Variants in PMS2 observed in about 807,000 individuals in gnomAD.
PMS2 encodes the protein mismatch repair endonuclease PMS2.
In PMS2, 69 loss-of-function variants were observed where a neutral mutation model predicts 90.0. The ratio of observed to expected loss-of-function variants is 0.77; its 90% CI spans 0.63 to 0.94. The LOEUF (loss-of-function observed/expected upper bound fraction) is 0.94, where lower values mean the gene tolerates loss of function less well. Ranked by LOEUF, PMS2 falls within the 40% of genes least tolerant of loss-of-function variation. The pLI is 0.00. For synonymous variants in PMS2, 332 were observed against 375.1 expected (o/e 0.89, Z 1.33); for missense variants, 966 against 1,040.2 (o/e 0.93, Z 0.98).
chr7:5,985,465 T>C (rs1782756163), intron 11 of PMS2, among the ~76,000 whole-genome samples: 1 of 151,702 alleles, frequency 6.6e-6, no homozygotes, highest in Non-Finnish European at 1.5e-5. Flanking sequence ...GGTTAACTAC[T>C]ATGCTAAGAA....
At chr7:5,993,881 A>AG in intron 8 of PMS2, among the ~76,000 whole-genome samples, 1 of 150,452 alleles carries the variant, frequency 6.6e-6, no homozygotes. Flanking sequence ...AAAAAAAAAA[A>AG]AAAAAAGGAA....
rs1785401710 is a variant in PMS2 at position 6,003,906 on chromosome 7, G to A, written c.250+66C>T. 7.1e-6 allele frequency: 9 copies of A among 1,272,066 alleles called. No homozygotes were observed. The East Asian group carries it at 1.9e-4, about 26-fold the overall frequency. The allele number at this position is 1,272,066 out of a possible 1,614,324, so 78.8% of individuals were successfully genotyped here. ...CTGTTTTTGCATTTCCCAAGACAGTGTTACTCAAAATTCTGAGACATGTGA... is the reference window on the plus strand; with the variant it reads ...CTGTTTTTGCATTTCCCAAGACAGTATTACTCAAAATTCTGAGACATGTGA... On this transcript the variant is annotated intron_variant, in intron 3 of 14. Transcript: ENST00000265849.
chr7:5,999,412 G>T (rs1248127278), intron 5 of PMS2, 137 bp from the exon 6 acceptor site: 1 of 798,532 alleles, frequency 1.3e-6, no homozygotes. Flanking sequence ...AGAATGATCT[G>T]TAAAGAGGTG....
chr7:5,982,348 G>A (rs1782373961), intron 12 of PMS2, among the ~76,000 whole-genome samples: 1 of 152,234 alleles, frequency 6.6e-6, no homozygotes, highest in Non-Finnish European at 1.5e-5. Flanking sequence ...TGGGACTACA[G>A]GCGCCCGCCA....
intron 7 of PMS2, among the ~76,000 whole-genome samples, chr7:5,996,789 C>A (rs1294565287): frequency 6.6e-6 from 1 of 151,894 alleles, no homozygotes; most frequent in African/African-American, 2.4e-5. Context: ...TTAAAGAAGA[C>A]CTGCTCAACA....
intron 11 of PMS2, among the ~76,000 whole-genome samples, chr7:5,983,267 T>C (rs1216222335): frequency 1.3e-5 from 2 of 151,062 alleles, no homozygotes; most frequent in Admixed American, 6.6e-5. Context: ...TGCGCCACCA[T>C]GCCCAGCTAA....
intron 7 of PMS2, among the ~76,000 whole-genome samples, chr7:5,997,102 T>A (rs1784489456): frequency 6.6e-6 from 1 of 151,554 alleles, no homozygotes; most frequent in Admixed American, 6.6e-5. Context: ...TAATCCCAGC[T>A]ACTCAGGAGG....
At chr7:6,002,242 C>G (rs1785164034) in intron 5 of PMS2, 1 of 508,962 alleles carries the variant, frequency 2.0e-6, no homozygotes, top group Non-Finnish European at 3.5e-6. Context: ...ACTGTGTTGC[C>G]CAGTCCTAAT....
intron 8 of PMS2, among the ~76,000 whole-genome samples, chr7:5,994,196 A>G (rs1784101501): frequency 6.6e-6 from 1 of 150,936 alleles, no homozygotes; most frequent in South Asian, 2.1e-4. Flanking sequence ...TCCTGGCCAC[A>G]TGGTGAAATT....
In PMS2 at chr7:6,007,633, GAGA is replaced by G. The variant is rs772657612; in HGVS notation, c.23+1361_23+1363del. Among the ~76,000 whole-genome samples the G allele has an allele frequency of 3.0e-3, 461 of 152,262 alleles. 2 individuals carry two copies. The highest frequency in any genetic ancestry group is 4.5e-3 in the Non-Finnish European group (308 of 68,020). On this transcript the variant is annotated intron_variant, in intron 1 of 14. Coordinates refer to ENST00000265849, the MANE Select transcript of PMS2 (RefSeq NM_000535.7). ...GAGAAGGCAGGAAACCTCCATGAAA[GAGA>G]AATCACTGGGTATTTCCTACAGCAT...
intron 5 of PMS2, 91 bp downstream of exon 5, chr7:6,002,362 G>A: frequency 1.2e-6 from 1 of 842,668 alleles, no homozygotes; most frequent in Non-Finnish European, 2.0e-6. Flanking sequence ...TTTATGGGAA[G>A]AGAATCAACT....
chr7:5,986,496 A>G (rs964302889), intron 11 of PMS2, among the ~76,000 whole-genome samples: 1 of 152,042 alleles, frequency 6.6e-6, no homozygotes, highest in African/African-American at 2.4e-5. Flanking sequence ...GTTCGAGACC[A>G]GCCCAGCCAA....
intron 14 of PMS2, among the ~76,000 whole-genome samples, chr7:5,977,290 C>T (rs1278195115): frequency 1.4e-5 from 2 of 143,752 alleles, no homozygotes; most frequent in African/African-American, 5.0e-5. Flanking sequence ...CTCCTGAACT[C>T]GTGATCCGCC....
chr7:5,991,374 C>G (rs968249834), intron 9 of PMS2, among the ~76,000 whole-genome samples: 1 of 150,730 alleles, frequency 6.6e-6, no homozygotes, highest in East Asian at 1.9e-4. Flanking sequence ...TTACAATAAA[C>G]CAAAATTTTA....
chr7:5,993,542 G>T (rs1784010520), intron 8 of PMS2, among the ~76,000 whole-genome samples: 1 of 151,436 alleles, frequency 6.6e-6, no homozygotes, highest in Non-Finnish European at 1.5e-5. Context: ...ATAGAAAGAA[G>T]AGAAAATATA....
intron 5 of PMS2, 26 bp from the exon 6 acceptor site, chr7:5,999,301 T>G (rs549598245): frequency 1.3e-6 from 2 of 1,595,268 alleles, no homozygotes; most frequent in Non-Finnish European, 8.6e-7. Flanking sequence ...AAACACAATA[T>G]TCTACATTAC....
At chr7:5,978,428 G>A (rs1286478848) in intron 13 of PMS2, among the ~76,000 whole-genome samples, 168 bp downstream of exon 13, 2 of 143,412 alleles carry the variant, frequency 1.4e-5, no homozygotes, top group African/African-American at 5.0e-5. Flanking sequence ...CCGCCACCAC[G>A]CCCGGCTACT....
intron 12 of PMS2, among the ~76,000 whole-genome samples, chr7:5,981,246 A>G (rs1773400464): frequency 6.7e-6 from 1 of 149,190 alleles, no homozygotes; most frequent in African/African-American, 2.5e-5. Flanking sequence ...TTTATTTATT[A>G]ATTTATTTGT....
Position 6,002,542 on chromosome 7 carries a change from G to C in PMS2, c.448C>G (p.Pro150Ala), listed in dbSNP as rs1060503120. The C allele has an allele frequency of 3.7e-6, 6 of 1,611,486 alleles. No individual in the cohort carries two copies. In the African/African-American group the frequency reaches 5.3e-5, roughly 14 times the overall value. ...CTGACTGTGGTCCCTCTGGGGCGGGGGTAGGGGGTTTTCTGGATAATTTTC... is the reference window on the plus strand; with the variant it reads ...CTGACTGTGGTCCCTCTGGGGCGGGCGTAGGGGGTTTTCTGGATAATTTTC... ...NGKIIQKTPYPRPRGTTVSVQ... is the reference protein window; with the variant it reads ...NGKIIQKTPYARPRGTTVSVQ... The change falls in exon 5 of 15, where the codon CCC becomes GCC. Residue 150 changes from proline (P) to alanine (A), a missense_variant. Pro to Ala is a conservative substitution (Grantham distance 27, BLOSUM62 -1). This residue lies in a region of PMS2 where 871 missense variants were observed against 802.4 expected (regional missense o/e 1.09). Transcript: ENST00000265849.
Sources: gnomAD v4.1 joint callset for allele counts (sites outside exome capture counted in the v4.1 genomes callset) on GRCh38, gnomAD v4.1.1 for gene constraint, gnomAD v4.1.1 regional missense constraint, MANE v1.5 for transcripts, NCBI Gene and HGNC (gene_info 2026-07-23, HGNC 2026-07-21) for gene names.